The following MLIP variants were observed in gnomAD, a reference collection of about 807,000 sequenced individuals.
MLIP encodes the protein muscular LMNA-interacting protein.
MLIP carries 79 observed loss-of-function variants against 84.8 expected under a neutral mutation model. That is an observed-to-expected ratio of 0.93 (90% confidence interval 0.78 to 1.12). The LOEUF (loss-of-function observed/expected upper bound fraction) is 1.12. Among genes scored for constraint, MLIP ranks in the 50% most tolerant of loss-of-function variants. The probability of loss-of-function intolerance (pLI) is 0.00; values close to 1 mark genes in which losing one functional copy is unlikely to be tolerated. For missense variants in MLIP, 1,257 were observed against 1,160.6 expected, an observed-to-expected ratio of 1.08 and a Z score of -1.21; for synonymous variants, 504 against 463.0, an observed-to-expected ratio of 1.09 and a Z score of -1.14.
At chr6:54,019,037 T>C (rs1763352840) in exon 1 of MLIP, 2 of 1,611,030 alleles carry the variant, frequency 1.2e-6, no homozygotes, top group Non-Finnish European at 1.7e-6. Flanking sequence ...ATATGGAACT[T>C]GAAAAGCGTG....
At chr6:54,027,663 A>G (rs1763898849) in intron 1 of MLIP, among the ~76,000 whole-genome samples, 1 of 152,160 alleles carries the variant, frequency 6.6e-6, no homozygotes, top group Non-Finnish European at 1.5e-5. Context: ...TGAGGGCTGT[A>G]TCTATTGGAA....
intron 11 of MLIP, among the ~76,000 whole-genome samples, chr6:54,223,540 A>G (rs1240525747): frequency 6.6e-6 from 1 of 152,080 alleles, no homozygotes; most frequent in Non-Finnish European, 1.5e-5. Flanking sequence ...TTAGTTGTCC[A>G]ACCATAATGG....
intron 1 of MLIP, among the ~76,000 whole-genome samples, chr6:54,043,186 A>G (rs1178152596): frequency 1.3e-5 from 2 of 152,226 alleles, no homozygotes; most frequent in African/African-American, 4.8e-5. Flanking sequence ...AAGTTCTCCC[A>G]AAGAACTTGG....
intron 5 of MLIP, 84 bp downstream of exon 5, chr6:54,149,211 T>C: frequency 7.8e-7 from 1 of 1,282,598 alleles, no homozygotes; most frequent in Non-Finnish European, 1.1e-6. Flanking sequence ...TGGGAAGATT[T>C]CTGTTTTAAA....
chr6:54,067,220 G>A (rs1157907035), intron 1 of MLIP, among the ~76,000 whole-genome samples: 1 of 100,296 alleles, frequency 1.0e-5, no homozygotes, highest in Non-Finnish European at 2.9e-5. Flanking sequence ...TTCATGAGTT[G>A]GTATTTGATC....
At chr6:54,264,579 A>G in intron 13 of MLIP, among the ~76,000 whole-genome samples, 1 of 152,140 alleles carries the variant, frequency 6.6e-6, no homozygotes, top group East Asian at 1.9e-4. Flanking sequence ...AATACATGGC[A>G]CTTAAAAAGT....
intron 8 of MLIP, among the ~76,000 whole-genome samples, chr6:54,164,353 G>T (rs1774967412): frequency 6.6e-6 from 1 of 151,784 alleles, no homozygotes; most frequent in Admixed American, 6.6e-5. Context: ...TCCTTCAAGA[G>T]GAATCCTTGA....
chr6:54,111,119 C>T (rs1453721862), upstream of MLIP, among the ~76,000 whole-genome samples: 1 of 152,222 alleles, frequency 6.6e-6, no homozygotes, highest in South Asian at 2.1e-4. Flanking sequence ...ATCAGCTTCT[C>T]ATTGCTGCAC....
intron 1 of MLIP, among the ~76,000 whole-genome samples, chr6:54,095,761 T>C (rs1034043713): frequency 6.6e-6 from 1 of 152,204 alleles, no homozygotes; most frequent in Non-Finnish European, 1.5e-5. Context: ...AGCGGAAGCT[T>C]AGTCAGAGTT....
intron 12 of MLIP, among the ~76,000 whole-genome samples, chr6:54,232,358 T>A (rs931331093): frequency 6.6e-6 from 1 of 152,194 alleles, no homozygotes; most frequent in Non-Finnish European, 1.5e-5. Flanking sequence ...AGACTATATT[T>A]CATCCATATG....
intron 11 of MLIP, among the ~76,000 whole-genome samples, chr6:54,204,298 A>G (rs1160922698): frequency 6.6e-6 from 1 of 152,106 alleles, no homozygotes; most frequent in Non-Finnish European, 1.5e-5. Context: ...AGAAATGGAA[A>G]CTCCTGTGGG....
At chr6:54,115,193 C>T (rs1288284069) in intron 1 of MLIP, among the ~76,000 whole-genome samples, 1 of 152,062 alleles carries the variant, frequency 6.6e-6, no homozygotes, top group African/African-American at 2.4e-5. Flanking sequence ...TGTGTGGTTT[C>T]CCCCAGGCAT....
intron 1 of MLIP, among the ~76,000 whole-genome samples, chr6:54,044,038 G>GCAAAT (rs1164351652): frequency 2.6e-5 from 4 of 152,178 alleles, no homozygotes; most frequent in African/African-American, 9.7e-5. Context: ...GATGACTTTA[G>GCAAAT]TGCTTCTTTA....
chr6:54,087,456 A>G (rs1767573082), intron 1 of MLIP, among the ~76,000 whole-genome samples: 1 of 152,170 alleles, frequency 6.6e-6, no homozygotes, highest in African/African-American at 2.4e-5. Flanking sequence ...AAGAAATGTT[A>G]TTTGATGCAA....
intron 1 of MLIP, chr6:54,058,956 G>A (rs1317755534): frequency 6.6e-6 from 1 of 152,188 alleles, no homozygotes; most frequent in Non-Finnish European, 1.5e-5. Context: ...CAAGCTTAAA[G>A]CTCCGTAGTT....
chr6:54,037,178 T>C (rs548852666), intron 1 of MLIP, among the ~76,000 whole-genome samples: 2 of 152,142 alleles, frequency 1.3e-5, no homozygotes, highest in African/African-American at 2.4e-5. Flanking sequence ...GATACTTCTA[T>C]GTAAACTCTG....
chr6:54,132,590 G>A (rs990761404), intron 3 of MLIP, among the ~76,000 whole-genome samples: 2 of 152,188 alleles, frequency 1.3e-5, no homozygotes, highest in African/African-American at 4.8e-5. Flanking sequence ...TTAAGGGTTT[G>A]TGGAGAATGT....
chr6:54,170,152 C>T (rs79605192), intron 9 of MLIP, among the ~76,000 whole-genome samples: 16 of 151,678 alleles, frequency 1.1e-4, no homozygotes. Context: ...AGTGTTCACT[C>T]ACCTAATAAT....
In MLIP at chr6:54,266,182, C is replaced by G. The variant is rs908177156; in HGVS notation, c.*227C>G. ...ACCTACAGCTTTTTGCACCACTGTT[C>G]TAGCCTTTAATGCCTTCTACTTAAT... On this transcript the variant is annotated 3_prime_UTR_variant, in exon 14 of 14. Transcript: ENST00000502396. 3 of 555,778 alleles carry G rather than the reference C, an allele frequency of 5.4e-6. No homozygotes were observed. Among genetic ancestry groups the G allele is most frequent in the East Asian group, 2.9e-5 (1 of 33,918 alleles). 34.4% of individuals were successfully genotyped at this position (555,778 alleles called of 1,614,324 possible). A position where few individuals can be genotyped will look rare whatever the true frequency, so the allele number is the denominator to read the frequency against.
Sources: allele counts gnomAD v4.1 joint callset (sites outside exome capture counted in the v4.1 genomes callset), GRCh38; gene constraint gnomAD v4.1.1; transcripts MANE v1.5; gene names NCBI Gene and HGNC (gene_info 2026-07-23, HGNC 2026-07-21).